The following LTF variants were observed in gnomAD, a reference collection of about 807,000 sequenced individuals.
The protein encoded by LTF is epididymis luminal protein 110.
LTF carries 91 observed loss-of-function variants against 87.2 expected under a neutral mutation model. The observed-to-expected ratio is 1.04, with a 90% confidence interval of 0.88 to 1.24. LTF has a LOEUF of 1.24. LTF is among the 50% of genes most tolerant of loss of function. The pLI is 0.00. For missense variants in LTF, 901 were observed against 904.3 expected, an observed-to-expected ratio of 1.00 and a Z score of 0.05; for synonymous variants, 378 against 356.1, an observed-to-expected ratio of 1.06 and a Z score of -0.69.
At chr3:46,452,118 T>C (rs531511932) in intron 6 of LTF, among the ~76,000 whole-genome samples, 1 of 152,284 alleles carries the variant, frequency 6.6e-6, no homozygotes, top group African/African-American at 2.4e-5. Flanking sequence ...GATATCGTCA[T>C]CTACAAAAAA....
rs1702373197 is a variant in LTF at position 46,435,842 on chromosome 3, TG to T, written c.*352del. The stretch of plus-strand genomic sequence containing the variant: ...AGATCCCCTTAGGAAAACCGGTGCT[TG>T]GCCTGGCCTTAAATTCCAGACCCTT... On this transcript the variant is annotated 3_prime_UTR_variant, in exon 17 of 17. Transcript: ENST00000231751. 6.5e-6 allele frequency: 2 copies of T among 309,186 alleles called. No homozygotes were observed. The highest frequency in any genetic ancestry group is 1.2e-5 in the Non-Finnish European group (2 of 163,862). 19.2% of individuals were successfully genotyped at this position (309,186 alleles called of 1,614,324 possible).
intron 1 of LTF, among the ~76,000 whole-genome samples, chr3:46,484,738 A>G (rs1358437728): frequency 6.6e-6 from 1 of 152,202 alleles, no homozygotes; most frequent in African/African-American, 2.4e-5. Context: ...ATGAAGTCAG[A>G]CATTCCCAGC....
intron 1 of LTF, among the ~76,000 whole-genome samples, chr3:46,470,765 T>C (rs1043590492): frequency 4.6e-5 from 7 of 152,200 alleles, no homozygotes; most frequent in African/African-American, 7.2e-5. Context: ...TTTGAACCAG[T>C]TCCACCCTAA....
intron 1 of LTF, among the ~76,000 whole-genome samples, chr3:46,476,110 T>G (rs1392216024): frequency 2.6e-5 from 4 of 152,214 alleles, no homozygotes; most frequent in Non-Finnish European, 5.9e-5. Context: ...TTAAATTCAC[T>G]TATAAAATCT....
At chr3:46,475,515 A>AACACACACACAC (rs59984149) in intron 1 of LTF, among the ~76,000 whole-genome samples, 1 of 130,976 alleles carries the variant, frequency 7.6e-6, no homozygotes, top group Non-Finnish European at 1.6e-5. Context: ...TCTCCCCCTA[A>AACACACACACAC]ACACACACAC....
rs759760642 is a variant in LTF, at chr3:46,436,176, T to C, written c.*19A>G. On this transcript the variant is annotated 3_prime_UTR_variant, in exon 17 of 17. Transcript: ENST00000231751. ...AATGGCTGAGGCTTTCTTGGGGAGC[T>C]GGGCCATCTTCTTCGGTTTTACTTC... 6.2e-7 allele frequency: 1 copy of C among 1,614,024 alleles called. No homozygotes were observed. The highest frequency in any genetic ancestry group is 1.7e-5 in the Admixed American group (1 of 60,026).
chr3:46,458,369 T>G (rs1447450380), intron 2 of LTF, among the ~76,000 whole-genome samples: 2 of 152,262 alleles, frequency 1.3e-5, no homozygotes, highest in African/African-American at 4.8e-5. Flanking sequence ...ATGAATGGTA[T>G]GTAGTACTGA....
chr3:46,448,082 G>C (rs182841894), intron 9 of LTF, among the ~76,000 whole-genome samples: 1 of 152,186 alleles, frequency 6.6e-6, no homozygotes. Context: ...AAATGTTTTC[G>C]TCCGAGTGCT....
At chr3:46,468,700 G>A (rs1703246554), upstream of LTF, among the ~76,000 whole-genome samples, 1 of 152,208 alleles carries the variant, frequency 6.6e-6, no homozygotes, top group African/African-American at 2.4e-5. Flanking sequence ...AGGCAGAAAA[G>A]GCCTTCCTGA....
upstream of LTF, chr3:46,464,972 C>T: frequency 1.9e-6 from 2 of 1,070,314 alleles, no homozygotes; most frequent in East Asian, 2.4e-5. Context: ...CAATAGACAC[C>T]CCTTCCCTCC....
chr3:46,457,286 A>T (rs1702961064), intron 2 of LTF, among the ~76,000 whole-genome samples: 2 of 152,274 alleles, frequency 1.3e-5, no homozygotes, highest in African/African-American at 2.4e-5. Context: ...TTTTGTAGAC[A>T]GCATAATGTT....
intron 1 of LTF, among the ~76,000 whole-genome samples, chr3:46,471,306 C>A (rs1703282974): frequency 6.6e-6 from 1 of 152,196 alleles, no homozygotes. Flanking sequence ...CCTTGGCTTA[C>A]CTTCTCCCTC....
intron 5 of LTF, 45 bp from the exon 6 acceptor site, chr3:46,454,405 C>T (rs1702875767): frequency 3.4e-6 from 5 of 1,489,156 alleles, no homozygotes; most frequent in Non-Finnish European, 4.7e-6. Context: ...GCAGCCCTCC[C>T]CAGCCCCTCC....
rs750249119 is a variant in LTF at position 46,446,495 on chromosome 3, T to C, written c.1304-2A>G. ...CAGGGTCACTGCTTTGTTGGGATTC[T>C]GAAAGAATAAAGACAAGCCAGACAT... On this transcript the variant is annotated splice_acceptor_variant, in intron 10 of 16. Coordinates refer to ENST00000231751, the MANE Select transcript of LTF (RefSeq NM_002343.6). LOFTEE classifies it high-confidence loss of function. The C allele has an allele frequency of 6.8e-6, 11 of 1,613,518 alleles. No individual in the cohort carries two copies. Among genetic ancestry groups the C allele is most frequent in the Non-Finnish European group, 9.3e-6 (11 of 1,179,656 alleles).
chr3:46,478,056 T>C (rs761677792), intron 1 of LTF, among the ~76,000 whole-genome samples: 21 of 152,256 alleles, frequency 1.4e-4, no homozygotes, highest in Non-Finnish European at 1.9e-4. Context: ...CTTGGGCCCC[T>C]CTCCACACCC....
intron 12 of LTF, among the ~76,000 whole-genome samples, 192 bp from the exon 13 acceptor site, chr3:46,443,774 A>C (rs1702579986): frequency 2.0e-5 from 3 of 152,034 alleles, no homozygotes; most frequent in East Asian, 1.9e-4. Flanking sequence ...CTTCATTCAG[A>C]CTGTAGGCAC....
At chr3:46,484,128 C>A (rs532341450) in intron 1 of LTF, among the ~76,000 whole-genome samples, 5 of 152,268 alleles carry the variant, frequency 3.3e-5, no homozygotes, top group African/African-American at 9.6e-5. Flanking sequence ...AAATGTCAAC[C>A]CTTGTCAATG....
chr3:46,457,177 G>T (rs1016618388), intron 2 of LTF, among the ~76,000 whole-genome samples: 4 of 152,168 alleles, frequency 2.6e-5, no homozygotes, highest in Non-Finnish European at 5.9e-5. Context: ...ACCAGTCCGT[G>T]GCCAGGTGGT....
At chr3:46,445,165 G>GGCCTGCAGGCCACTATCA (rs1702617308) in intron 12 of LTF, 116 bp downstream of exon 12, 2 of 1,080,524 alleles carry the variant, frequency 1.9e-6, no homozygotes, top group East Asian at 2.6e-5. Context: ...TGCTGGAAGA[G>GGCCTGCAGGCCACTATCA]GCCTGCAGGC....
Sources: allele counts gnomAD v4.1 joint callset (sites outside exome capture counted in the v4.1 genomes callset), GRCh38; gene constraint gnomAD v4.1.1; transcripts MANE v1.5; gene names NCBI Gene and HGNC (gene_info 2026-07-23, HGNC 2026-07-21).